The following IL15 variants were observed in gnomAD, a reference collection of about 807,000 sequenced individuals.
IL15 encodes the protein interleukin-15.
A neutral mutation model predicts 19.6 loss-of-function variants in IL15; 11 were observed. That is an observed-to-expected ratio of 0.56 (90% CI 0.35 to 0.93). The LOEUF is 0.93. IL15 is among the 40% of genes least tolerant of loss of function. IL15 has a pLI of 0.01. For missense variants in IL15, 197 were observed against 186.5 expected, an observed-to-expected ratio of 1.06 and a Z score of -0.33; for synonymous variants, 58 against 59.6, an observed-to-expected ratio of 0.97 and a Z score of 0.12.
chr4:141,692,904 ACCC>A (rs1252504595), intron 2 of IL15, among the ~76,000 whole-genome samples: 1 of 150,286 alleles, frequency 6.7e-6, no homozygotes. Flanking sequence ...TTGTAGCAGT[ACCC>A]CCATCTGCCA....
rs1730100341 is a variant in IL15, at chr4:141,721,993, T to C, written c.180T>C (p.Ile60=). The C allele has an allele frequency of 6.3e-7, 1 of 1,592,966 alleles. No individual in the cohort carries two copies. Among genetic ancestry groups the C allele is most frequent in the African/African-American group, 1.3e-5 (1 of 74,766 alleles). Residue 60 remains isoleucine (I), a synonymous_variant, in exon 5 of 8, where the codon ATT becomes ATC. Coordinates refer to ENST00000320650, the MANE Select transcript of IL15 (RefSeq NM_000585.5). ...WVNVISDLKK[I]EDLIQSMHID... is the part of the protein sequence containing the mutation. ...ATGTAATAAGTGATTTGAAAAAAAT[T>C]GAAGATCTTATTCAAGTGAGTACTC... is the stretch of plus-strand genomic sequence containing the variant.
At chr4:141,663,558 A>C (rs554839610) in intron 2 of IL15, among the ~76,000 whole-genome samples, 1 of 152,258 alleles carries the variant, frequency 6.6e-6, no homozygotes, top group African/African-American at 2.4e-5. Flanking sequence ...GCTTGGCAAA[A>C]ACGGCATGAT....
Position 141,656,262 on chromosome 4 carries a change from A to G in IL15, c.-145A>G, listed in dbSNP as rs1727592225. The G allele has an allele frequency of 2.5e-6, 1 of 398,280 alleles. No homozygotes were observed. The highest frequency in any genetic ancestry group is 4.4e-6 in the Non-Finnish European group (1 of 225,932). 24.7% of individuals were successfully genotyped at this position (398,280 alleles called of 1,614,324 possible). On this transcript the variant is annotated 5_prime_UTR_variant, in exon 2 of 8. Coordinates refer to ENST00000320650, the MANE Select transcript of IL15 (RefSeq NM_000585.5). Reference sequence around the variant, plus strand: ...GTTCCATGCTGCTGACGTCACATGGAGCACAGAAATCAATGTTAGCAGATA... The same window carrying G: ...GTTCCATGCTGCTGACGTCACATGGGGCACAGAAATCAATGTTAGCAGATA...
Position 141,697,481 on chromosome 4 carries a change from T to A in IL15, c.-99-21885T>A, listed in dbSNP as rs539664486. On this transcript the variant is annotated intron_variant, in intron 2 of 7. Coordinates refer to ENST00000320650, the MANE Select transcript of IL15 (RefSeq NM_000585.5). ...TTTGTTCTTTTTGCTTAGTCTTGCT[T>A]TTGCTATGTGGGTTCCTTTTTGGTT... 1.2e-3 allele frequency among the ~76,000 whole-genome samples: 180 copies of A among 152,238 alleles called. No homozygotes were observed. In the Middle Eastern group the frequency reaches 0.017, roughly 14 times the overall value.
intron 2 of IL15, among the ~76,000 whole-genome samples, chr4:141,695,932 G>A (rs989789691): frequency 1.1e-4 from 16 of 151,878 alleles, no homozygotes; most frequent in Non-Finnish European, 2.4e-4. Context: ...TTCCTTTGCT[G>A]TTCAAAAGCT....
intron 1 of IL15, among the ~76,000 whole-genome samples, chr4:141,647,058 C>G (rs144865704): frequency 6.6e-6 from 1 of 152,126 alleles, no homozygotes; most frequent in Non-Finnish European, 1.5e-5. Flanking sequence ...AAGCTAATTT[C>G]AAGGAAGATT....
At chr4:141,640,191 G>T (rs193123054) in intron 1 of IL15, among the ~76,000 whole-genome samples, 1 of 152,110 alleles carries the variant, frequency 6.6e-6, no homozygotes, top group East Asian at 1.9e-4. Context: ...AACCTAATGT[G>T]AATTTGAAAG....
chr4:141,721,630 C>A, intron 4 of IL15: 1 of 522,852 alleles, frequency 1.9e-6, no homozygotes. Context: ...ACACATCTGG[C>A]ACTGCTTCTA....
chr4:141,644,767 G>A (rs558563388), intron 1 of IL15, among the ~76,000 whole-genome samples: 1 of 152,136 alleles, frequency 6.6e-6, no homozygotes, highest in East Asian at 1.9e-4. Flanking sequence ...AACAAAAATA[G>A]GACAATTGCT....
chr4:141,678,066 A>G (rs1728406931), intron 2 of IL15, among the ~76,000 whole-genome samples: 1 of 152,184 alleles, frequency 6.6e-6, no homozygotes, highest in Non-Finnish European at 1.5e-5. Context: ...AGTCCTATAT[A>G]GCCAGGCTAT....
At chr4:141,676,370 C>T (rs1303811454) in intron 2 of IL15, among the ~76,000 whole-genome samples, 2 of 152,162 alleles carry the variant, frequency 1.3e-5, no homozygotes, top group East Asian at 3.8e-4. Context: ...TCAGGAGGTA[C>T]CTTGCAAGTA....
intron 1 of IL15, among the ~76,000 whole-genome samples, chr4:141,647,557 C>T (rs957209295): frequency 1.3e-5 from 2 of 151,972 alleles, no homozygotes; most frequent in African/African-American, 2.4e-5. Context: ...TGTCACTGAG[C>T]TAAGCACCCT....
chr4:141,731,410 A>G (rs1730447543), intron 7 of IL15, among the ~76,000 whole-genome samples: 1 of 152,212 alleles, frequency 6.6e-6, no homozygotes, highest in Admixed American at 6.5e-5. Context: ...TATATTAAAT[A>G]CTTTACATAT....
intron 2 of IL15, among the ~76,000 whole-genome samples, chr4:141,697,444 G>T (rs1276597455): frequency 1.3e-5 from 2 of 152,110 alleles, no homozygotes; most frequent in Non-Finnish European, 2.9e-5. Flanking sequence ...CAGATAATGT[G>T]ATGCCTCCAG....
intron 2 of IL15, among the ~76,000 whole-genome samples, chr4:141,708,089 C>T (rs1236161763): frequency 6.6e-6 from 1 of 152,198 alleles, no homozygotes; most frequent in East Asian, 1.9e-4. Flanking sequence ...CACATGACCA[C>T]TTGCCAGGCT....
intron 5 of IL15, among the ~76,000 whole-genome samples, chr4:141,725,435 G>A (rs967877330): frequency 6.6e-6 from 1 of 152,118 alleles, no homozygotes; most frequent in Non-Finnish European, 1.5e-5. Context: ...TGAAGACACT[G>A]GGAGAAAATG....
intron 2 of IL15, among the ~76,000 whole-genome samples, chr4:141,668,723 G>A (rs1384121839): frequency 2.0e-5 from 3 of 152,004 alleles, no homozygotes; most frequent in Admixed American, 6.6e-5. Flanking sequence ...TTTCTCCTAA[G>A]GGCAACCTCC....
chr4:141,712,934 T>A (rs931138982), intron 2 of IL15, among the ~76,000 whole-genome samples: 1 of 148,472 alleles, frequency 6.7e-6, no homozygotes. Context: ...TACCTAATCA[T>A]TTTTTTTTGT....
intron 2 of IL15, among the ~76,000 whole-genome samples, chr4:141,660,887 C>T (rs1384399108): frequency 6.6e-6 from 1 of 151,894 alleles, no homozygotes; most frequent in Admixed American, 6.6e-5. Flanking sequence ...TGCTCTTATC[C>T]CAAAAATGAT....
Sources: gnomAD v4.1 joint callset for allele counts (sites outside exome capture counted in the v4.1 genomes callset) on GRCh38, gnomAD v4.1.1 for gene constraint, MANE v1.5 for transcripts, NCBI Gene and HGNC (gene_info 2026-07-23, HGNC 2026-07-21) for gene names.